UTP20: variants seen among roughly 807,000 people sequenced by gnomAD.
UTP20 encodes small subunit processome component 20 homolog.
Under a neutral mutation model 329.5 loss-of-function variants are expected in UTP20, and 164 were observed. The ratio of observed to expected loss-of-function variants is 0.50; its 90% CI spans 0.44 to 0.57. The LOEUF is 0.57. UTP20 is among the 20% of genes least tolerant of loss of function. The pLI, the probability that UTP20 is intolerant of heterozygous loss-of-function variation, is 0.00. For synonymous variants in UTP20, 1,151 were observed against 1,159.3 expected, an observed-to-expected ratio of 0.99 and a Z score of 0.14; for missense variants, 3,055 against 3,284.2, an observed-to-expected ratio of 0.93 and a Z score of 1.71.
rs140593981 is a variant in UTP20, at chr12:101,384,554, T to A, written c.8056+885T>A. Among the ~76,000 whole-genome samples, 699 of 152,264 alleles carry A rather than the reference T, an allele frequency of 4.6e-3. 2 individuals carry two copies. The highest frequency in any genetic ancestry group is 8.0e-3 in the Admixed American group (122 of 15,298). ...AGATACTGTCTCAAAAGAAAGATTA[T>A]ATGGCAAAAATATAAGTATTATCAT... On this transcript the variant is annotated intron_variant, in intron 60 of 61. Coordinates refer to ENST00000261637, the MANE Select transcript of UTP20 (RefSeq NM_014503.3).
Position 101,383,027 on chromosome 12 carries a change from GT to G in UTP20, c.7657-5del, listed in dbSNP as rs397946626. ...AATGTCCAATTTCTTCCCCCACCCC[GT>G]TTTTTTTTAAAGGTTGTTAAGAATT... On this transcript the variant is annotated splice_polypyrimidine_tract_variant and intron_variant, in intron 58 of 61. Coordinates refer to ENST00000261637, the MANE Select transcript of UTP20 (RefSeq NM_014503.3). The G allele has an allele frequency of 1.3e-5, 21 of 1,557,942 alleles. No homozygotes were observed. The highest frequency in any genetic ancestry group is 2.0e-4 in the Middle Eastern group (1 of 5,068).
At chr12:101,350,668 C>G (rs1442409304) in intron 38 of UTP20, among the ~76,000 whole-genome samples, 1 of 152,108 alleles carries the variant, frequency 6.6e-6, no homozygotes, top group Non-Finnish European at 1.5e-5. Flanking sequence ...TGAGACACTA[C>G]CATTCTAAGT....
At chr12:101,331,617 T>C (rs1868764051) in intron 27 of UTP20, among the ~76,000 whole-genome samples, 1 of 152,228 alleles carries the variant, frequency 6.6e-6, no homozygotes, top group African/African-American at 2.4e-5. Context: ...ATGTGCTGTA[T>C]CAGATTCAAA....
chr12:101,290,201 T>C lies in UTP20; in HGVS notation c.662T>C (p.Val221Ala), dbSNP rs1382058797. ...GATCTTGATAAACATCCAGAAAAAG[T>C]TGAAGGTGTTGGACAGTTGCTCTTT... ...FLDLDKHPEK[V>A]EGVGQLLFEM... The change falls in exon 7 of 62, where the codon GTT becomes GCT. Residue 221 changes from valine (V) to alanine (A), a missense_variant. Val to Ala is a moderately conservative substitution (Grantham distance 64). Around this residue, in one of 3 missense-constraint regions of UTP20, gnomAD observed 2,445 missense variants for 2,575.5 expected, o/e 0.95. Transcript: ENST00000261637. 3 of 1,608,824 alleles carry C rather than the reference T, an allele frequency of 1.9e-6. No individual in the cohort carries two copies. The highest frequency in any genetic ancestry group is 4.5e-5 in the East Asian group (2 of 44,736).
chr12:101,307,109 C>T (rs1310525741), intron 17 of UTP20, among the ~76,000 whole-genome samples: 1 of 148,282 alleles, frequency 6.7e-6, no homozygotes, highest in Non-Finnish European at 1.5e-5. Flanking sequence ...ACCCGGGAGG[C>T]GGAGCTTGCA....
intron 29 of UTP20, among the ~76,000 whole-genome samples, chr12:101,335,558 A>T (rs1489165968): frequency 1.3e-5 from 2 of 152,310 alleles, no homozygotes; most frequent in East Asian, 3.9e-4. Context: ...AGCTTTCTAG[A>T]TTTTCTAGAC....
In UTP20 at chr12:101,299,736, A is replaced by G. The variant is rs567757850; in HGVS notation, c.1485A>G (p.Pro495=). The change falls in exon 13 of 62, where the codon CCA becomes CCG. Residue 495 remains proline (P), a synonymous_variant. Transcript: ENST00000261637. The part of the protein sequence containing the change: ...TRSKGRNEQF[P]VLDHLLSIIK... ...CCAAGGGAAGAAACGAACAGTTTCC[A>G]GTATTGGACCATCTTTTATCTATAA... The G allele has an allele frequency of 1.9e-6, 3 of 1,611,150 alleles. No individual in the cohort carries two copies. Among genetic ancestry groups the G allele is most frequent in the Non-Finnish European group, 2.5e-6 (3 of 1,179,098 alleles).
intron 46 of UTP20, 48 bp from the exon 47 acceptor site, chr12:101,366,510 G>A: frequency 6.4e-7 from 1 of 1,563,610 alleles, no homozygotes; most frequent in African/African-American, 1.4e-5. Context: ...TTCTTGGAAT[G>A]CAGCTGACAG....
At position 101,386,593 on chromosome 12, in the gene UTP20, TTAAA is replaced by T. The variant is rs1284726424; in HGVS notation, c.*479_*482del. The T allele has an allele frequency of 6.6e-6, 1 of 152,272 alleles. No homozygotes were observed. Among genetic ancestry groups the T allele is most frequent in the Non-Finnish European group, 1.5e-5 (1 of 68,092 alleles). The allele number at this position is 152,272 out of a possible 1,614,324, so 9.4% of individuals were successfully genotyped here. ...TTTAATGTAATCATGCTCATATTTT[TTAAA>T]TAAATAAAACACTATACTACTGCTG... On this transcript the variant is annotated 3_prime_UTR_variant, in exon 62 of 62. Coordinates refer to ENST00000261637, the MANE Select transcript of UTP20 (RefSeq NM_014503.3).
At chr12:101,367,392 G>A (rs1180027479) in intron 47 of UTP20, among the ~76,000 whole-genome samples, 1 of 151,946 alleles carries the variant, frequency 6.6e-6, no homozygotes, top group Non-Finnish European at 1.5e-5. Context: ...TCTAACACAC[G>A]TTCCAGCCAC....
intron 40 of UTP20, among the ~76,000 whole-genome samples, chr12:101,354,443 T>C (rs1869647426): frequency 6.6e-6 from 1 of 152,020 alleles, no homozygotes; most frequent in Admixed American, 6.6e-5. Flanking sequence ...ACTTGTAAAA[T>C]TGTAATCGCA....
chr12:101,305,489 TC>T (rs1242372783), intron 15 of UTP20, among the ~76,000 whole-genome samples: 6 of 149,836 alleles, frequency 4.0e-5, no homozygotes, highest in Admixed American at 1.3e-4. Flanking sequence ...TCTACTATCC[TC>T]ATTAGCTCGG....
intron 12 of UTP20, among the ~76,000 whole-genome samples, chr12:101,297,870 T>C (rs74806321): frequency 0.019 from 2,823 of 152,164 alleles, 52 homozygotes; most frequent in African/African-American, 0.049. Context: ...CCCAGGAGGG[T>C]GACGTGTTAA....
rs771140706 is a variant in UTP20 at position 101,327,166 on chromosome 12, C to T, written c.3127C>T (p.Arg1043Trp). ...ASGTRMAIVL[R>W]FLAGTQPEEI... ...AGGCACCCGCATGGCCATTGTCCTG[C>T]GGTTCCTGGCCGGGACCCAACCTGA... is the stretch of plus-strand genomic sequence containing the variant. Residue 1043 changes from arginine to tryptophan, a missense_variant, in exon 26 of 62, where the codon CGG becomes TGG. By Grantham distance (101) the Arg-to-Trp change is moderately radical. This residue lies in a region of UTP20 where 2,445 missense variants were observed against 2,575.5 expected (regional missense o/e 0.95). Coordinates refer to ENST00000261637, the MANE Select transcript of UTP20 (RefSeq NM_014503.3). 1.1e-5 allele frequency: 18 copies of T among 1,612,990 alleles called. No homozygotes were observed. The highest frequency in any genetic ancestry group is 1.4e-5 in the Non-Finnish European group (16 of 1,179,150).
chr12:101,291,613 C>T, intron 8 of UTP20, 129 bp from the exon 9 acceptor site: 1 of 882,818 alleles, frequency 1.1e-6, no homozygotes, highest in Non-Finnish European at 1.6e-6. Flanking sequence ...TTAGTGAGTC[C>T]TGGTAAATGT....
intron 38 of UTP20, among the ~76,000 whole-genome samples, chr12:101,347,037 G>A (rs1869347965): frequency 6.6e-6 from 1 of 152,042 alleles, no homozygotes; most frequent in Admixed American, 6.6e-5. Context: ...TCTGGAGTAG[G>A]GTAGGGACTA....
chr12:101,355,932 C>A (rs959844969), intron 41 of UTP20, among the ~76,000 whole-genome samples: 7 of 152,114 alleles, frequency 4.6e-5, no homozygotes, highest in African/African-American at 1.7e-4. Flanking sequence ...GTTTCCTATA[C>A]TTGACAGCAG....
At chr12:101,298,932 A>G (rs989837873) in intron 12 of UTP20, among the ~76,000 whole-genome samples, 5 of 151,852 alleles carry the variant, frequency 3.3e-5, no homozygotes, top group African/African-American at 1.2e-4. Flanking sequence ...TTAATGATAA[A>G]AAGGGTGCAA....
At chr12:101,310,840 A>G (rs1424722223) in intron 19 of UTP20, among the ~76,000 whole-genome samples, 1 of 152,126 alleles carries the variant, frequency 6.6e-6, no homozygotes, top group African/African-American at 2.4e-5. Flanking sequence ...TTTTACTACA[A>G]TTTGTCTACC....
Sources: allele counts gnomAD v4.1 joint callset (sites outside exome capture counted in the v4.1 genomes callset), GRCh38; gene constraint gnomAD v4.1.1; regional missense constraint gnomAD v4.1.1; transcripts MANE v1.5; gene names NCBI Gene and HGNC (gene_info 2026-07-23, HGNC 2026-07-21).